Variants in LCORL observed in about 807,000 individuals in gnomAD.
LCORL encodes ligand-dependent nuclear receptor corepressor-like protein.
A neutral mutation model predicts 141.8 loss-of-function variants in LCORL; 41 were observed. The ratio of observed to expected loss-of-function variants is 0.29; its 90% CI spans 0.23 to 0.38. LCORL has a LOEUF of 0.38. Among genes scored for constraint, LCORL ranks in the 10% least tolerant of loss-of-function variants. The pLI is 1.00. For missense variants in LCORL, 1,759 were observed against 2,035.0 expected (o/e 0.86, Z 2.61); for synonymous variants, 618 against 694.1 (o/e 0.89, Z 1.72).
chr4:17,993,427 A>C (rs1720370323), intron 1 of LCORL, among the ~76,000 whole-genome samples: 1 of 150,660 alleles, frequency 6.6e-6, no homozygotes, highest in Non-Finnish European at 1.5e-5. Flanking sequence ...CTGGTCTTGA[A>C]CTCCTGACCT....
Position 17,947,088 on chromosome 4 carries a change from A to G in LCORL, c.430+14815T>C, listed in dbSNP as rs1738999701. 3.3e-5 allele frequency among the ~76,000 whole-genome samples: 5 copies of G among 152,172 alleles called. No homozygotes were observed. The South Asian group carries it at 1.0e-3, about 32-fold the overall frequency. ...TGTTCATTGTAGCATTATTCACAAC[A>G]GCTGAATCATGGAATCAAGCTAAGT... is the stretch of plus-strand genomic sequence containing the variant. On this transcript the variant is annotated intron_variant, in intron 4 of 7. Transcript: ENST00000635767.
chr4:17,951,341 C>T (rs1323442914), intron 4 of LCORL, among the ~76,000 whole-genome samples: 1 of 152,136 alleles, frequency 6.6e-6, no homozygotes, highest in East Asian at 1.9e-4. Flanking sequence ...ACTCCTCTTC[C>T]TGCTTTAAAA....
At chr4:17,869,152 A>G (rs111388992) in intron 7 of LCORL, among the ~76,000 whole-genome samples, 6,396 of 149,742 alleles carry the variant, frequency 0.043, 452 homozygotes, top group African/African-American at 0.15. Flanking sequence ...GCTTCACTCC[A>G]TTTCCATTGG....
chr4:17,929,878 C>T (rs1424767195), intron 4 of LCORL, among the ~76,000 whole-genome samples: 1 of 152,064 alleles, frequency 6.6e-6, no homozygotes, highest in African/African-American at 2.4e-5. Flanking sequence ...GTCCAATATC[C>T]ACCATACATG....
rs371242534 is a variant in LCORL, at chr4:17,940,358, C to T, written c.430+21545G>A. On this transcript the variant is annotated intron_variant, in intron 4 of 7. Coordinates refer to ENST00000635767, the Ensembl canonical transcript of LCORL. ...CTGTCAGTGTGGTTAAGCCCACGGG[C>T]TCCTTCTCTGAATCATGTTTTTAAA... is the stretch of plus-strand genomic sequence containing the variant. 1.2e-4 allele frequency among the ~76,000 whole-genome samples: 18 copies of T among 145,880 alleles called. No homozygotes were observed. In the East Asian group the frequency reaches 3.4e-3, roughly 28 times the overall value.
chr4:17,883,766 G>T lies in LCORL; in HGVS notation c.776+2302C>A. On this transcript the variant is annotated intron_variant, in intron 6 of 7. Coordinates refer to ENST00000635767, the Ensembl canonical transcript of LCORL. ...TTTGCAGCTGCCAGTCCCTGAATCT[G>T]TCATATTATATAACCCAGTGTCTGG... is the stretch of plus-strand genomic sequence containing the variant. The T allele has an allele frequency of 2.6e-6, 4 of 1,547,742 alleles. No individual in the cohort carries two copies. Among genetic ancestry groups the T allele is most frequent in the Non-Finnish European group, 3.5e-6 (4 of 1,145,644 alleles).
chr4:18,000,020 C>T (rs1335720339), intron 1 of LCORL, among the ~76,000 whole-genome samples: 1 of 151,864 alleles, frequency 6.6e-6, no homozygotes, highest in Non-Finnish European at 1.5e-5. Context: ...ACTTTTAGCA[C>T]AATTTGACAA....
intron 4 of LCORL, among the ~76,000 whole-genome samples, chr4:17,932,805 C>T (rs1736259430): frequency 6.6e-6 from 1 of 152,132 alleles, no homozygotes; most frequent in Admixed American, 6.6e-5. Flanking sequence ...TGCAAAATCT[C>T]CAATATTTAT....
At chr4:17,911,866 G>C in intron 4 of LCORL, 1 of 468,310 alleles carries the variant, frequency 2.1e-6, no homozygotes, top group Non-Finnish European at 4.1e-6. Context: ...GGACCTGGCC[G>C]TGGGGATGGC....
chr4:17,907,473 A>G (rs1167204706), intron 5 of LCORL, among the ~76,000 whole-genome samples: 1 of 152,214 alleles, frequency 6.6e-6, no homozygotes, highest in African/African-American at 2.4e-5. Context: ...GTCACATACC[A>G]AAGCCTATGT....
intron 4 of LCORL, among the ~76,000 whole-genome samples, chr4:17,920,711 G>A (rs908501472): frequency 2.6e-5 from 4 of 152,188 alleles, no homozygotes; most frequent in Admixed American, 1.3e-4. Context: ...ATCCTTTGGT[G>A]TCATTTCAAC....
chr4:17,857,267 TG>T (rs940315278), intron 7 of LCORL, among the ~76,000 whole-genome samples: 2 of 142,954 alleles, frequency 1.4e-5, no homozygotes, highest in Non-Finnish European at 3.1e-5. Flanking sequence ...GACATGGGGG[TG>T]GGGGGAGAAA....
At chr4:17,881,148 T>C in intron 6 of LCORL, 3 of 980,862 alleles carry the variant, frequency 3.1e-6, no homozygotes, top group Non-Finnish European at 3.6e-6. Flanking sequence ...CACTGTTTTC[T>C]CTTTTCCTTC....
chr4:17,949,273 G>A (rs1276759881), intron 4 of LCORL, among the ~76,000 whole-genome samples: 3 of 152,086 alleles, frequency 2.0e-5, no homozygotes, highest in Non-Finnish European at 2.9e-5. Flanking sequence ...CAGCCATAGT[G>A]ATGCTAAGGG....
At chr4:17,986,129 G>C (rs543115674) in intron 1 of LCORL, among the ~76,000 whole-genome samples, 1 of 152,280 alleles carries the variant, frequency 6.6e-6, no homozygotes, top group Non-Finnish European at 1.5e-5. Flanking sequence ...TGAGAGGTCT[G>C]CTATTAGCCT....
intron 1 of LCORL, among the ~76,000 whole-genome samples, chr4:17,987,404 A>T (rs569281056): frequency 1.3e-5 from 2 of 152,236 alleles, no homozygotes; most frequent in African/African-American, 4.8e-5. Context: ...AATTCTTTTT[A>T]TTGCTGAATA....
At chr4:17,954,155 T>A (rs1474915335) in intron 4 of LCORL, among the ~76,000 whole-genome samples, 3 of 151,820 alleles carry the variant, frequency 2.0e-5, no homozygotes. Context: ...AGAACGAGAC[T>A]CCATCTCAAA....
chr4:17,860,909 G>C (rs144734516), intron 7 of LCORL, among the ~76,000 whole-genome samples: 1 of 152,298 alleles, frequency 6.6e-6, no homozygotes, highest in Non-Finnish European at 1.5e-5. Context: ...CTCACATCCA[G>C]GTCACGTTGA....
chr4:17,896,433 A>G (rs1466061337), intron 5 of LCORL, among the ~76,000 whole-genome samples: 1 of 152,032 alleles, frequency 6.6e-6, no homozygotes. Context: ...ACAGGCATGT[A>G]CCACCACACC....
Sources: gnomAD v4.1 joint callset for allele counts (sites outside exome capture counted in the v4.1 genomes callset) on GRCh38, gnomAD v4.1.1 for gene constraint, MANE v1.5 for transcripts, NCBI Gene and HGNC (gene_info 2026-07-23, HGNC 2026-07-21) for gene names.